Variants in MYO16 observed in about 807,000 individuals in gnomAD.
MYO16 encodes unconventional myosin-XVI.
Under a neutral mutation model 205.3 loss-of-function variants are expected in MYO16, and 94 were observed. The ratio of observed to expected loss-of-function variants is 0.46; its 90% confidence interval spans 0.39 to 0.54. The LOEUF (loss-of-function observed/expected upper bound fraction) is 0.54, where lower values mean the gene tolerates loss of function less well. Ranked by LOEUF, MYO16 falls within the 20% of genes least tolerant of loss-of-function variation. MYO16 has a pLI of 0.00. For synonymous variants in MYO16, 988 were observed against 954.0 expected (o/e 1.04, Z -0.66); for missense variants, 2,315 against 2,387.5 (o/e 0.97, Z 0.63).
chr13:109,142,179 C>G (rs996437157), intron 32 of MYO16, among the ~76,000 whole-genome samples: 7 of 152,332 alleles, frequency 4.6e-5, no homozygotes, highest in African/African-American at 1.7e-4. Context: ...TCAGATGACA[C>G]GACCTCAGTG....
chr13:108,753,467 T>C (rs1362202894), intron 4 of MYO16, among the ~76,000 whole-genome samples: 2 of 152,034 alleles, frequency 1.3e-5, no homozygotes, highest in African/African-American at 4.8e-5. Context: ...TCTGTCTCTT[T>C]ATGAGTTATT....
intron 2 of MYO16, among the ~76,000 whole-genome samples, chr13:108,698,345 GAT>G (rs1566556900): frequency 6.6e-6 from 1 of 152,108 alleles, no homozygotes; most frequent in Non-Finnish European, 1.5e-5. Context: ...GAATAAATGA[GAT>G]AAATAAAACT....
chr13:108,971,715 A>T (rs1884019205), intron 20 of MYO16, among the ~76,000 whole-genome samples: 1 of 152,120 alleles, frequency 6.6e-6, no homozygotes, highest in Admixed American at 6.6e-5. Flanking sequence ...CTAAACATAA[A>T]CATTTAAAAA....
At chr13:109,133,096 T>G (rs1418021638) in intron 31 of MYO16, among the ~76,000 whole-genome samples, 2 of 152,190 alleles carry the variant, frequency 1.3e-5, no homozygotes, top group Non-Finnish European at 2.9e-5. Context: ...GAAAGAAAAG[T>G]TATAACAAAG....
At chr13:108,768,920 A>G (rs916076951) in intron 4 of MYO16, among the ~76,000 whole-genome samples, 2 of 151,994 alleles carry the variant, frequency 1.3e-5, no homozygotes, top group African/African-American at 4.8e-5. Context: ...ATGGCCATGA[A>G]CATGTGAAGA....
intron 31 of MYO16, among the ~76,000 whole-genome samples, chr13:109,128,768 G>GTTTTT (rs1172405612): frequency 1.7e-5 from 2 of 115,006 alleles, no homozygotes; most frequent in Non-Finnish European, 1.8e-5. Context: ...CACTTTTTTA[G>GTTTTT]TTTTTTTTTT....
At chr13:108,798,623 ATTG>A (rs1015526775) in intron 6 of MYO16, among the ~76,000 whole-genome samples, 25 of 150,494 alleles carry the variant, frequency 1.7e-4, no homozygotes, top group African/African-American at 4.4e-4. Flanking sequence ...TTATGAAGAC[ATTG>A]TTGTTTTATT....
the MYO16 span, among the ~76,000 whole-genome samples, chr13:108,543,619 G>A: frequency 6.8e-6 from 1 of 146,126 alleles, no homozygotes; most frequent in African/African-American, 2.5e-5. Flanking sequence ...TCCAGCCTGG[G>A]CGACAGAGCG....
intron 9 of MYO16, among the ~76,000 whole-genome samples, chr13:108,834,992 T>G (rs1876827521): frequency 6.6e-6 from 1 of 152,164 alleles, no homozygotes; most frequent in Non-Finnish European, 1.5e-5. Context: ...AAATATTGTA[T>G]GCCATCAGCC....
At chr13:108,913,914 C>T (rs1245891610) in intron 16 of MYO16, among the ~76,000 whole-genome samples, 2 of 152,150 alleles carry the variant, frequency 1.3e-5, no homozygotes, top group Admixed American at 1.3e-4. Context: ...TGTAACCAAT[C>T]CAGCTGTTTC....
At chr13:109,032,491 C>A (rs554960681) in intron 23 of MYO16, among the ~76,000 whole-genome samples, 2 of 152,198 alleles carry the variant, frequency 1.3e-5, no homozygotes, top group African/African-American at 4.8e-5. Flanking sequence ...TCCCATGAAG[C>A]CTCCCTTCTC....
At chr13:109,087,465 A>T (rs1371873745) in intron 27 of MYO16, among the ~76,000 whole-genome samples, 2 of 152,126 alleles carry the variant, frequency 1.3e-5, no homozygotes, top group Non-Finnish European at 2.9e-5. Flanking sequence ...GGCCAACATG[A>T]TGAAACCCTG....
chr13:108,655,545 G>A (rs1030906536), intron 1 of MYO16, among the ~76,000 whole-genome samples: 1 of 152,158 alleles, frequency 6.6e-6, no homozygotes, highest in Non-Finnish European at 1.5e-5. Flanking sequence ...CTCCACTGGG[G>A]CACTGCCTAG....
At chr13:109,076,879 C>G (rs1261229051) in intron 27 of MYO16, among the ~76,000 whole-genome samples, 1 of 152,138 alleles carries the variant, frequency 6.6e-6, no homozygotes, top group Non-Finnish European at 1.5e-5. Flanking sequence ...GCTGTGGAAA[C>G]TGATTCTCTC....
intron 23 of MYO16, among the ~76,000 whole-genome samples, chr13:109,046,200 C>A (rs953223058): frequency 3.9e-5 from 6 of 152,148 alleles, no homozygotes; most frequent in Non-Finnish European, 8.8e-5. Context: ...ACACACTGAC[C>A]GTGGTCTGTG....
chr13:108,713,156 A>G (rs906038905), intron 3 of MYO16, among the ~76,000 whole-genome samples: 24 of 151,894 alleles, frequency 1.6e-4, no homozygotes, highest in African/African-American at 5.3e-4. Flanking sequence ...TGAATAAACA[A>G]ATAAATAACT....
chr13:108,929,822 C>T (rs936367201), intron 16 of MYO16, among the ~76,000 whole-genome samples: 2 of 152,070 alleles, frequency 1.3e-5, no homozygotes, highest in East Asian at 1.9e-4. Flanking sequence ...TAGCTATTCA[C>T]TGATGTGTCT....
intron 2 of MYO16, among the ~76,000 whole-genome samples, chr13:108,704,161 G>A (rs981917737): frequency 7.9e-5 from 12 of 152,116 alleles, no homozygotes; most frequent in Non-Finnish European, 1.5e-4. Context: ...CTAGCCATCC[G>A]AGGTATCTTG....
At chr13:108,541,902 G>T in the MYO16 span, among the ~76,000 whole-genome samples, 1 of 152,256 alleles carries the variant, frequency 6.6e-6, no homozygotes, top group Non-Finnish European at 1.5e-5. Context: ...AAGCAGTTTG[G>T]TGATTCCTCA....
Sources: allele counts gnomAD v4.1 joint callset (sites outside exome capture counted in the v4.1 genomes callset), GRCh38; gene constraint gnomAD v4.1.1; transcripts MANE v1.5; gene names NCBI Gene and HGNC (gene_info 2026-07-23, HGNC 2026-07-21).